The following VWA3B variants were observed in gnomAD, a reference collection of about 807,000 sequenced individuals.
VWA3B encodes the protein von Willebrand factor A domain-containing protein 3B.
Under a neutral mutation model 158.3 loss-of-function variants are expected in VWA3B, and 138 were observed. That is an observed-to-expected ratio of 0.87 (90% CI 0.76 to 1.00). VWA3B has a LOEUF of 1.00. Among genes scored for constraint, VWA3B ranks in the 50% least tolerant of loss-of-function variants. VWA3B has a pLI of 0.00. For synonymous variants in VWA3B, 596 were observed against 587.3 expected (o/e 1.01, Z -0.21); for missense variants, 1,555 against 1,565.1 (o/e 0.99, Z 0.11).
chr2:98,176,564 G>A (rs1680034915), intron 8 of VWA3B, among the ~76,000 whole-genome samples: 1 of 147,580 alleles, frequency 6.8e-6, no homozygotes, highest in Non-Finnish European at 1.5e-5. Context: ...CTAATTCACA[G>A]CATTCTTTTC....
chr2:98,120,274 A>C (rs1403678335), intron 4 of VWA3B, among the ~76,000 whole-genome samples: 1 of 152,192 alleles, frequency 6.6e-6, no homozygotes, highest in Non-Finnish European at 1.5e-5. Context: ...TCTTGGATTC[A>C]AGAGAATTTG....
chr2:98,151,649 A>G (rs1303545912), intron 7 of VWA3B, among the ~76,000 whole-genome samples: 4 of 152,188 alleles, frequency 2.6e-5, no homozygotes, highest in Non-Finnish European at 5.9e-5. Flanking sequence ...AGGTGAATCA[A>G]CTTTGGGATC....
chr2:98,119,844 C>A, intron 4 of VWA3B, 81 bp downstream of exon 4: 1 of 1,530,728 alleles, frequency 6.5e-7, no homozygotes, highest in Non-Finnish European at 8.9e-7. Flanking sequence ...GCACAGCTGA[C>A]ACAGTTAGCT....
intron 12 of VWA3B, among the ~76,000 whole-genome samples, chr2:98,202,637 A>G (rs1054935279): frequency 2.0e-5 from 3 of 152,014 alleles, no homozygotes; most frequent in African/African-American, 7.3e-5. Context: ...GTTCCCACAA[A>G]TTACGTTTTA....
chr2:98,167,486 C>A (rs892415881), intron 8 of VWA3B, among the ~76,000 whole-genome samples: 1 of 152,158 alleles, frequency 6.6e-6, no homozygotes, highest in Admixed American at 6.5e-5. Flanking sequence ...CTTTCCCTCG[C>A]TTACTGCCTT....
chr2:98,105,584 G>A (rs147838551), intron 2 of VWA3B, among the ~76,000 whole-genome samples: 4 of 152,140 alleles, frequency 2.6e-5, no homozygotes, highest in African/African-American at 7.2e-5. Context: ...ATTAGTTTCT[G>A]TATAAGGTTC....
chr2:98,138,900 C>T (rs997060156), intron 7 of VWA3B, among the ~76,000 whole-genome samples: 2 of 152,254 alleles, frequency 1.3e-5, no homozygotes, highest in African/African-American at 2.4e-5. Flanking sequence ...CCCACTTTGG[C>T]GGCACTTGAG....
rs771406917 is a variant in VWA3B at position 98,250,467 on chromosome 2, G to A, written c.2792+31G>A. The A allele has an allele frequency of 1.5e-5, 22 of 1,498,348 alleles. No homozygotes were observed. In the South Asian group the frequency reaches 2.7e-4, roughly 18 times the overall value. The allele number at this position is 1,498,348 out of a possible 1,614,324, so 92.8% of individuals were successfully genotyped here. ...TATTACTCTTGGCTGCTCTTTAATGGATGTGGAATTTATTTTATGGAGAAG... is the reference window on the plus strand; with the variant it reads ...TATTACTCTTGGCTGCTCTTTAATGAATGTGGAATTTATTTTATGGAGAAG... On this transcript the variant is annotated intron_variant, in intron 20 of 27. Transcript: ENST00000477737.
chr2:98,194,284 A>G, intron 11 of VWA3B, 77 bp from the exon 12 acceptor site: 1 of 1,461,276 alleles, frequency 6.8e-7, no homozygotes, highest in Non-Finnish European at 9.4e-7. Context: ...TGATTAAAAT[A>G]TATCAAACTG....
intron 21 of VWA3B, chr2:98,269,235 C>T (rs954114322): frequency 1.3e-5 from 2 of 152,156 alleles, no homozygotes; most frequent in Admixed American, 1.3e-4. Context: ...CACCAATTAT[C>T]CCAGCTAGAG....
chr2:98,145,824 A>T (rs1573900892), intron 7 of VWA3B, among the ~76,000 whole-genome samples: 1 of 151,874 alleles, frequency 6.6e-6, no homozygotes, highest in East Asian at 1.9e-4. Context: ...GGTTCAAGGG[A>T]TCTTCCTGCC....
chr2:98,187,101 G>T (rs1681137837), intron 9 of VWA3B, among the ~76,000 whole-genome samples: 1 of 152,080 alleles, frequency 6.6e-6, no homozygotes, highest in Non-Finnish European at 1.5e-5. Flanking sequence ...GCCACACTCT[G>T]TTCCGCCAGG....
intron 12 of VWA3B, among the ~76,000 whole-genome samples, chr2:98,205,877 G>C (rs1485742472): frequency 6.6e-6 from 1 of 152,080 alleles, no homozygotes; most frequent in African/African-American, 2.4e-5. Context: ...TTCCACTATA[G>C]TCAGAGGGCA....
At chr2:98,245,591 A>G (rs372324573) in intron 19 of VWA3B, 24 of 457,034 alleles carry the variant, frequency 5.3e-5, no homozygotes, top group East Asian at 4.9e-4. Context: ...GTTGAAATCC[A>G]CAAAAGAGGG....
chr2:98,193,598 CTT>C lies in VWA3B; in HGVS notation c.1605+576_1605+577del, dbSNP rs376090829. ...GAGTGTTTGAGAAATACAAAATGCA[CTT>C]TTTTTTTTTTTTTGAGATGGAGTCT... is the stretch of plus-strand genomic sequence containing the variant. On this transcript the variant is annotated intron_variant, in intron 11 of 27. Transcript: ENST00000477737. Among the ~76,000 whole-genome samples the C allele has an allele frequency of 2.0e-4, 29 of 142,860 alleles. 1 individual carries two copies. The highest frequency in any genetic ancestry group is 3.8e-4 in the African/African-American group (15 of 39,252). 93.7% of individuals were successfully genotyped at this position (142,860 alleles called of 152,430 possible).
At chr2:98,142,407 G>C (rs1676849624) in intron 7 of VWA3B, among the ~76,000 whole-genome samples, 1 of 152,138 alleles carries the variant, frequency 6.6e-6, no homozygotes, top group African/African-American at 2.4e-5. Context: ...CTGAGAAAAA[G>C]CCTGGCTCCT....
chr2:98,176,735 A>T (rs1680046688), intron 8 of VWA3B, among the ~76,000 whole-genome samples: 1 of 152,192 alleles, frequency 6.6e-6, no homozygotes, highest in South Asian at 2.1e-4. Context: ...GGTAAGCCCC[A>T]CTGCCCATTC....
In VWA3B at chr2:98,192,902, A is replaced by G. The variant is rs775183406; in HGVS notation, c.1471A>G (p.Lys491Glu). The G allele has an allele frequency of 1.1e-5, 17 of 1,614,214 alleles. No individual in the cohort carries two copies. The highest frequency in any genetic ancestry group is 1.4e-5 in the Non-Finnish European group (17 of 1,180,028). Residue 491 changes from lysine to glutamate, a missense_variant, in exon 11 of 28, where the codon AAA becomes GAA. Lys to Glu is a moderately conservative substitution (Grantham distance 56). Transcript: ENST00000477737. The part of the protein sequence containing the change: ...TALARIRRRI[K>E]WLQDGSQSLF... ...TTCAACCTACTTCCTGCCTAGGATT[A>G]AATGGCTACAGGATGGGAGTCAAAG... is the stretch of plus-strand genomic sequence containing the variant.
chr2:98,200,825 G>T (rs1215961485), intron 12 of VWA3B, among the ~76,000 whole-genome samples: 1 of 152,132 alleles, frequency 6.6e-6, no homozygotes, highest in East Asian at 1.9e-4. Flanking sequence ...TAAGAATAGG[G>T]TTCATTTTGA....
Sources: allele counts gnomAD v4.1 joint callset (sites outside exome capture counted in the v4.1 genomes callset), GRCh38; gene constraint gnomAD v4.1.1; transcripts MANE v1.5; gene names NCBI Gene and HGNC (gene_info 2026-07-23, HGNC 2026-07-21).